The following B3GALT1 variants were observed in gnomAD, a reference collection of about 807,000 sequenced individuals.
B3GALT1 encodes beta-1,3-galactosyltransferase 1, also known as UDP-Gal:betaGlcNAc beta 1,3-galactosyltransferase, polypeptide 1.
Under a neutral mutation model 23.2 loss-of-function variants are expected in B3GALT1, and 10 were observed. The observed-to-expected ratio is 0.43, with a 90% CI of 0.27 to 0.73. The LOEUF (loss-of-function observed/expected upper bound fraction) is 0.73, where lower values mean the gene tolerates loss of function less well. B3GALT1 is among the 30% of genes least tolerant of loss of function. B3GALT1 has a pLI of 0.21. For synonymous variants in B3GALT1, 156 were observed against 141.5 expected (o/e 1.10, Z -0.73); for missense variants, 299 against 405.4 (o/e 0.74, Z 2.25).
In B3GALT1 at chr2:167,435,673, C is replaced by T. The variant is rs367900365; in HGVS notation, c.-510-54504C>T. Among the ~76,000 whole-genome samples the T allele has an allele frequency of 1.4e-4, 21 of 152,110 alleles. 1 individual carries two copies. The highest frequency in any genetic ancestry group is 2.2e-4 in the African/African-American group (9 of 41,500). ...GAGCAAGATAATAAGCTCAAAGATA[C>T]ATAGACGACTTTAAAATGTTTCCAT... On this transcript the variant is annotated intron_variant, in intron 1 of 4. Transcript: ENST00000392690.
At position 167,529,697 on chromosome 2, in the gene B3GALT1, T is replaced by A. The variant is rs147885470; in HGVS notation, c.-410+39420T>A. ...GATTCATCCTTGATTCTTCTCTTTT[T>A]CTTGTAGCTCACATCTCTTAGTAAA... On this transcript the variant is annotated intron_variant, in intron 2 of 4. Transcript: ENST00000392690. 1.6e-4 allele frequency among the ~76,000 whole-genome samples: 24 copies of A among 151,840 alleles called. No homozygotes were observed. The East Asian group carries it at 4.4e-3, about 28-fold the overall frequency.
At chr2:167,589,372 G>A (rs1469408875) in intron 2 of B3GALT1, among the ~76,000 whole-genome samples, 2 of 151,950 alleles carry the variant, frequency 1.3e-5, no homozygotes, top group East Asian at 1.9e-4. Context: ...AATGGTTTCT[G>A]CCTTCAATAT....
intron 1 of B3GALT1, among the ~76,000 whole-genome samples, chr2:167,406,498 C>A (rs1360583319): frequency 6.6e-6 from 1 of 152,168 alleles, no homozygotes; most frequent in Non-Finnish European, 1.5e-5. Flanking sequence ...CCCCCAAATT[C>A]TTCCCAGCGC....
At chr2:167,632,475 A>G (rs543605230) in intron 2 of B3GALT1, among the ~76,000 whole-genome samples, 118 of 152,066 alleles carry the variant, frequency 7.8e-4, no homozygotes, top group African/African-American at 2.6e-3. Flanking sequence ...AGACTTTTTA[A>G]TGATTGCCAT....
At chr2:167,798,676 G>GT (rs774686628) in intron 3 of B3GALT1, among the ~76,000 whole-genome samples, 1 of 152,120 alleles carries the variant, frequency 6.6e-6, no homozygotes, top group Non-Finnish European at 1.5e-5. Flanking sequence ...TGCTGTTTTG[G>GT]TTACTGTAGC....
chr2:167,453,801 G>A (rs11891529), intron 1 of B3GALT1, among the ~76,000 whole-genome samples: 1,910 of 152,302 alleles, frequency 0.013, 38 homozygotes, highest in African/African-American at 0.043. Context: ...GTAAAAGGAG[G>A]AAGGTAGTGA....
intron 2 of B3GALT1, among the ~76,000 whole-genome samples, chr2:167,581,768 A>AT (rs759073667): frequency 4.6e-5 from 7 of 152,194 alleles, no homozygotes; most frequent in African/African-American, 9.6e-5. Context: ...GGGTTTGCAC[A>AT]TTTTTTTGAG....
At chr2:167,597,200 C>T (rs538842038) in intron 2 of B3GALT1, among the ~76,000 whole-genome samples, 89 of 151,610 alleles carry the variant, frequency 5.9e-4, no homozygotes, top group Non-Finnish European at 1.0e-3. Context: ...ACTGCAAACT[C>T]CGCCTTCCGG....
At chr2:167,835,813 A>C (rs1689453286) in intron 4 of B3GALT1, among the ~76,000 whole-genome samples, 1 of 152,058 alleles carries the variant, frequency 6.6e-6, no homozygotes, top group African/African-American at 2.4e-5. Flanking sequence ...ACAGCCGGGT[A>C]CTCCTCTGAG....
At chr2:167,505,123 T>C (rs1699900718) in intron 2 of B3GALT1, among the ~76,000 whole-genome samples, 1 of 152,186 alleles carries the variant, frequency 6.6e-6, no homozygotes, top group Non-Finnish European at 1.5e-5. Context: ...TGGGTGAATC[T>C]ATGTATACAA....
At chr2:167,690,498 C>G (rs1171747423) in intron 3 of B3GALT1, among the ~76,000 whole-genome samples, 1 of 152,024 alleles carries the variant, frequency 6.6e-6, no homozygotes, top group Non-Finnish European at 1.5e-5. Flanking sequence ...ATTTTTGGTG[C>G]AGATTTTCTA....
In B3GALT1 at chr2:167,369,064, TGTG is replaced by T. The variant is rs1697637964; in HGVS notation, c.-511+75731_-511+75733del. ...ATTGGGAAGATAAAACTCTTATTTG[TGTG>T]TGTGTGTGTGTGTGTGTGTGTGTGT... is the stretch of plus-strand genomic sequence containing the variant. On this transcript the variant is annotated intron_variant, in intron 1 of 4. Transcript: ENST00000392690. Among the ~76,000 whole-genome samples the T allele has an allele frequency of 1.5e-3, 9 of 5,876 alleles. 1 individual carries two copies. In the East Asian group the frequency reaches 0.13, roughly 86 times the overall value. The allele number at this position is 5,876 out of a possible 152,430, so 3.9% of individuals were successfully genotyped here.
At chr2:167,385,755 C>T (rs111816672) in intron 1 of B3GALT1, among the ~76,000 whole-genome samples, 1 of 152,096 alleles carries the variant, frequency 6.6e-6, no homozygotes, top group Non-Finnish European at 1.5e-5. Context: ...AAATTGCTGA[C>T]TTGGTGGACA....
intron 2 of B3GALT1, among the ~76,000 whole-genome samples, chr2:167,572,628 C>G (rs956973134): frequency 2.0e-5 from 3 of 151,814 alleles, no homozygotes; most frequent in Non-Finnish European, 4.4e-5. Flanking sequence ...ATCTGGTACA[C>G]ATCTGCCGAT....
In B3GALT1 at chr2:167,704,041, T is replaced by C. The variant is rs113523270; in HGVS notation, c.-352+57075T>C. Reference sequence around the variant, plus strand: ...CTAAAAATACAAAAAATTAGCCGGGTGTGGTATCAGGCGCCTGTAGTCCCA... The same window carrying C: ...CTAAAAATACAAAAAATTAGCCGGGCGTGGTATCAGGCGCCTGTAGTCCCA... On this transcript the variant is annotated intron_variant, in intron 3 of 4. Coordinates refer to ENST00000392690, the MANE Select transcript of B3GALT1 (RefSeq NM_020981.4). Among the ~76,000 whole-genome samples the C allele has an allele frequency of 1.1e-3, 161 of 151,774 alleles. 5 individuals carry two copies. The highest frequency in any genetic ancestry group is 6.8e-3 in the Middle Eastern group (2 of 294).
At chr2:167,629,236 A>G (rs1200869995) in intron 2 of B3GALT1, among the ~76,000 whole-genome samples, 1 of 151,774 alleles carries the variant, frequency 6.6e-6, no homozygotes, top group East Asian at 1.9e-4. Flanking sequence ...AGATAGGTAC[A>G]TTTTAAGAGA....
chr2:167,806,002 C>T (rs188845698), intron 3 of B3GALT1, among the ~76,000 whole-genome samples: 29,340 of 144,118 alleles, frequency 0.2, 3,210 homozygotes, highest in East Asian at 0.3. Flanking sequence ...CTTTTATTTC[C>T]TCGAGCAGTG....
intron 3 of B3GALT1, among the ~76,000 whole-genome samples, chr2:167,720,091 A>G (rs561075722): frequency 6.6e-6 from 1 of 152,326 alleles, no homozygotes; most frequent in African/African-American, 2.4e-5. Flanking sequence ...TGTGATTAAA[A>G]TGTTATATAT....
intron 3 of B3GALT1, among the ~76,000 whole-genome samples, chr2:167,707,171 C>T (rs1441303453): frequency 6.6e-6 from 1 of 152,174 alleles, no homozygotes; most frequent in Admixed American, 6.5e-5. Flanking sequence ...AGAGTGGACT[C>T]TCCATGCCCC....
Sources: gnomAD v4.1 joint callset for allele counts (sites outside exome capture counted in the v4.1 genomes callset) on GRCh38, gnomAD v4.1.1 for gene constraint, MANE v1.5 for transcripts, NCBI Gene and HGNC (gene_info 2026-07-23, HGNC 2026-07-21) for gene names.